BRAF: variants seen among roughly 807,000 people sequenced by gnomAD.
BRAF encodes serine/threonine-protein kinase B-raf.
In BRAF, 16 loss-of-function variants were observed where a neutral mutation model predicts 104.6. The observed-to-expected ratio is 0.15, with a 90% confidence interval of 0.10 to 0.23. The LOEUF (loss-of-function observed/expected upper bound fraction) is 0.23, where lower values mean the gene tolerates loss of function less well. Among genes scored for constraint, BRAF ranks in the 10% least tolerant of loss-of-function variants. The probability of loss-of-function intolerance (pLI) is 1.00; values close to 1 mark genes in which losing one functional copy is unlikely to be tolerated. For synonymous variants in BRAF, 310 were observed against 341.6 expected (o/e 0.91, Z 1.02); for missense variants, 541 against 937.3 (o/e 0.58, Z 5.52).
chr7:140,841,961 TTTAG>T (rs1170686817), intron 2 of BRAF, among the ~76,000 whole-genome samples: 8 of 152,302 alleles, frequency 5.3e-5, no homozygotes, highest in African/African-American at 1.9e-4. Context: ...TTTTTTATCA[TTTAG>T]TTAATTAAAT....
At chr7:140,923,208 CAG>C (rs1007313622) in intron 1 of BRAF, among the ~76,000 whole-genome samples, 5 of 151,494 alleles carry the variant, frequency 3.3e-5, no homozygotes, top group African/African-American at 1.2e-4. Flanking sequence ...AAAAAAATTG[CAG>C]AGAGAATGAG....
At position 140,724,949 on chromosome 7, in the gene BRAF, T is replaced by C. The variant is rs940301321; in HGVS notation, c.*1545A>G. 2 of 1,042,240 alleles carry C rather than the reference T, an allele frequency of 1.9e-6. No homozygotes were observed. The highest frequency in any genetic ancestry group is 2.3e-6 in the Non-Finnish European group (2 of 864,730). The allele number at this position is 1,042,240 out of a possible 1,614,324, so 64.6% of individuals were successfully genotyped here. A position where few individuals can be genotyped will look rare whatever the true frequency, so the allele number is the denominator to read the frequency against. On this transcript the variant is annotated 3_prime_UTR_variant, in exon 20 of 20. Coordinates refer to ENST00000644969, the MANE Select transcript of BRAF (RefSeq NM_001374258.1). ...GCTATAACTAGGTTATATTTTCCAT[T>C]TGTGCAAAGATAAGATTTAGGTTCT...
intron 11 of BRAF, among the ~76,000 whole-genome samples, chr7:140,782,162 T>C (rs1168959539): frequency 2.0e-5 from 3 of 152,150 alleles, no homozygotes; most frequent in African/African-American, 7.2e-5. Context: ...ATGTGGTGTT[T>C]GGTTTTCTGT....
chr7:140,919,113 C>T (rs768446344), intron 1 of BRAF, among the ~76,000 whole-genome samples: 33 of 149,512 alleles, frequency 2.2e-4, no homozygotes, highest in Middle Eastern at 7.2e-3. Context: ...CGCCACTGCA[C>T]TCCAGTCTGC....
intron 3 of BRAF, among the ~76,000 whole-genome samples, chr7:140,822,679 T>C (rs1249996682): frequency 6.6e-6 from 1 of 152,236 alleles, no homozygotes; most frequent in Non-Finnish European, 1.5e-5. Context: ...TTCACCTGTT[T>C]ATGGACATTT....
At chr7:140,872,310 A>G (rs6464123) in intron 1 of BRAF, among the ~76,000 whole-genome samples, 14,915 of 152,028 alleles carry the variant, frequency 0.098, 808 homozygotes, top group South Asian at 0.19. Context: ...GTTAACTAGC[A>G]AAATGGACAA....
intron 1 of BRAF, among the ~76,000 whole-genome samples, chr7:140,852,613 C>A (rs546289537): frequency 2.0e-4 from 30 of 152,098 alleles, no homozygotes; most frequent in African/African-American, 6.7e-4. Flanking sequence ...TGTCAGATGG[C>A]TTCTTTTGTC....
intron 8 of BRAF, among the ~76,000 whole-genome samples, chr7:140,791,957 A>G (rs995098628): frequency 2.6e-5 from 4 of 152,310 alleles, no homozygotes; most frequent in South Asian, 2.1e-4. Context: ...TAACCTCTGT[A>G]AATCTAATTT....
At chr7:140,746,656 CCT>C (rs977365762) in intron 17 of BRAF, among the ~76,000 whole-genome samples, 30 of 151,806 alleles carry the variant, frequency 2.0e-4, no homozygotes, top group African/African-American at 5.3e-4. Flanking sequence ...TGGTGAAACC[CCT>C]GTCTCTACCA....
chr7:140,720,117 G>T lies in BRAF; in HGVS notation c.*6377C>A, dbSNP rs747391771. ...ATAAAATTCAGAGACACATGTTGAT[G>T]AATGATCAAATTCAATCCCCTGATC... On this transcript the variant is annotated 3_prime_UTR_variant, in exon 20 of 20. Transcript: ENST00000644969. 18 of 1,060,844 alleles carry T rather than the reference G, an allele frequency of 1.7e-5. No individual in the cohort carries two copies. The highest frequency in any genetic ancestry group is 2.1e-5 in the Non-Finnish European group (18 of 876,590). 65.7% of individuals were successfully genotyped at this position (1,060,844 alleles called of 1,614,324 possible). A position where few individuals can be genotyped will look rare whatever the true frequency, so the allele number is the denominator to read the frequency against.
chr7:140,751,665 A>T (rs186883906), intron 16 of BRAF, among the ~76,000 whole-genome samples: 1 of 152,250 alleles, frequency 6.6e-6, no homozygotes, highest in East Asian at 1.9e-4. Context: ...CAGAATACAG[A>T]TCTTCTAAGT....
Position 140,762,806 on chromosome 7 carries a change from A to ATG in BRAF, c.1815-8574_1815-8573insCA, listed in dbSNP as rs1490334614. On this transcript the variant is annotated intron_variant, in intron 14 of 19. Transcript: ENST00000644969. ...TACTTGAGATTAGGGAGTGGTGATG[A>ATG]CTCTTAAGGAGCATGCTGCCTTCAA... 5.9e-5 allele frequency among the ~76,000 whole-genome samples: 9 copies of ATG among 152,078 alleles called. No individual in the cohort carries two copies. In the East Asian group the frequency reaches 1.7e-3, roughly 29 times the overall value.
At chr7:140,761,154 C>T (rs567210615) in intron 14 of BRAF, among the ~76,000 whole-genome samples, 12 of 152,256 alleles carry the variant, frequency 7.9e-5, no homozygotes, top group African/African-American at 2.9e-4. Flanking sequence ...TCGGGTTACC[C>T]ACAAAGGGAA....
At chr7:140,833,884 G>A (rs1279030279) in intron 3 of BRAF, 1 of 151,386 alleles carries the variant, frequency 6.6e-6, no homozygotes, top group Non-Finnish European at 1.5e-5. Context: ...TTTCAAGTCA[G>A]AAAGGAATTT....
At chr7:140,746,581 A>G (rs1270644027) in intron 17 of BRAF, among the ~76,000 whole-genome samples, 1 of 152,188 alleles carries the variant, frequency 6.6e-6, no homozygotes, top group Non-Finnish European at 1.5e-5. Flanking sequence ...CTGTAATCCC[A>G]GCACTTTGGC....
At chr7:140,820,104 T>C (rs1337175635) in intron 3 of BRAF, among the ~76,000 whole-genome samples, 2 of 152,182 alleles carry the variant, frequency 1.3e-5, no homozygotes, top group African/African-American at 4.8e-5. Context: ...GGTTAATTTT[T>C]TGTCATATAA....
intron 1 of BRAF, among the ~76,000 whole-genome samples, chr7:140,870,945 T>C (rs1168774953): frequency 1.3e-5 from 2 of 151,616 alleles, no homozygotes; most frequent in Non-Finnish European, 2.9e-5. Flanking sequence ...TAACTCAGTC[T>C]GGCTGGGCGC....
intron 3 of BRAF, among the ~76,000 whole-genome samples, chr7:140,812,306 T>G (rs1167433037): frequency 1.3e-5 from 2 of 151,908 alleles, no homozygotes; most frequent in Non-Finnish European, 2.9e-5. Context: ...CCACGCTGAG[T>G]TCACTGAACT....
At chr7:140,884,469 G>GTT (rs1372580446) in intron 1 of BRAF, among the ~76,000 whole-genome samples, 1 of 134,410 alleles carries the variant, frequency 7.4e-6, no homozygotes, top group East Asian at 2.2e-4. Context: ...GTGTGTGTGT[G>GTT]TGTGTGTATA....
Sources: gnomAD v4.1 joint callset for allele counts (sites outside exome capture counted in the v4.1 genomes callset) on GRCh38, gnomAD v4.1.1 for gene constraint, MANE v1.5 for transcripts, NCBI Gene and HGNC (gene_info 2026-07-23, HGNC 2026-07-21) for gene names.